The following ATRNL1 variants were observed in gnomAD, a reference collection of about 807,000 sequenced individuals.
ATRNL1 encodes the protein attractin like 1, also known as attractin-like protein 1.
A neutral mutation model predicts 182.7 loss-of-function variants in ATRNL1; 95 were observed. The ratio of observed to expected loss-of-function variants is 0.52; its 90% CI spans 0.44 to 0.62. The LOEUF (loss-of-function observed/expected upper bound fraction) is 0.62. ATRNL1 is among the 20% of genes least tolerant of loss of function. The pLI is 0.00. For missense variants in ATRNL1, 1,471 were observed against 1,679.5 expected, an observed-to-expected ratio of 0.88 and a Z score of 2.17; for synonymous variants, 576 against 568.3, an observed-to-expected ratio of 1.01 and a Z score of -0.19.
At chr10:115,826,056 G>T (rs1950423976) in intron 27 of ATRNL1, among the ~76,000 whole-genome samples, 1 of 152,140 alleles carries the variant, frequency 6.6e-6, no homozygotes, top group South Asian at 2.1e-4. Context: ...TGAAGTTTTT[G>T]CAAGGGTGAA....
intron 19 of ATRNL1, among the ~76,000 whole-genome samples, chr10:115,373,108 G>A (rs1029674116): frequency 6.6e-6 from 1 of 151,928 alleles, no homozygotes; most frequent in African/African-American, 2.4e-5. Flanking sequence ...TTATTCCTAA[G>A]TATTTTATTT....
chr10:115,476,349 GT>G (rs1258645695), intron 24 of ATRNL1, among the ~76,000 whole-genome samples: 2 of 151,228 alleles, frequency 1.3e-5, no homozygotes, highest in African/African-American at 4.8e-5. Context: ...GAAAATTCAT[GT>G]GCTTAAAAAG....
At chr10:115,360,605 A>C (rs1188316175) in intron 19 of ATRNL1, among the ~76,000 whole-genome samples, 1 of 151,364 alleles carries the variant, frequency 6.6e-6, no homozygotes, top group African/African-American at 2.4e-5. Context: ...TTAAAGCAAA[A>C]AAAAAATCCG....
At chr10:115,714,083 A>G (rs1346758234) in intron 26 of ATRNL1, among the ~76,000 whole-genome samples, 2 of 151,766 alleles carry the variant, frequency 1.3e-5, no homozygotes, top group Non-Finnish European at 2.9e-5. Context: ...CCTTGGCCCT[A>G]GTTGAAGCCC....
chr10:115,368,711 A>G (rs1554947046), intron 19 of ATRNL1, among the ~76,000 whole-genome samples: 1 of 146,730 alleles, frequency 6.8e-6, no homozygotes, highest in Non-Finnish European at 1.5e-5. Context: ...TGTATATTCG[A>G]TTCTATTTTT....
chr10:115,278,111 T>A (rs1852186073), intron 13 of ATRNL1, among the ~76,000 whole-genome samples: 1 of 152,236 alleles, frequency 6.6e-6, no homozygotes, highest in African/African-American at 2.4e-5. Context: ...GATACTTTTA[T>A]TAAGACTAGA....
chr10:115,350,564 C>G (rs1269273238), intron 19 of ATRNL1, among the ~76,000 whole-genome samples: 1 of 152,008 alleles, frequency 6.6e-6, no homozygotes, highest in East Asian at 1.9e-4. Flanking sequence ...TTGGCACCTT[C>G]TTTGAAAATG....
chr10:115,254,873 C>A (rs1264294397), intron 10 of ATRNL1, among the ~76,000 whole-genome samples: 1 of 152,138 alleles, frequency 6.6e-6, no homozygotes, highest in South Asian at 2.1e-4. Context: ...GTTTTCCCAG[C>A]ACCATTTATT....
chr10:115,179,771 A>T (rs1053917678), intron 8 of ATRNL1, among the ~76,000 whole-genome samples: 25 of 152,144 alleles, frequency 1.6e-4, no homozygotes, highest in African/African-American at 6.0e-4. Flanking sequence ...TCAGAATAGC[A>T]TGGAATTAGG....
Position 115,394,724 on chromosome 10 carries a change from A to G in ATRNL1, c.3241A>G (p.Lys1081Glu). The G allele has an allele frequency of 6.2e-7, 1 of 1,606,708 alleles. No individual in the cohort carries two copies. The highest frequency in any genetic ancestry group is 8.5e-7 in the Non-Finnish European group (1 of 1,176,578). Residue 1081 changes from lysine (K) to glutamate (E), a missense_variant, in exon 20 of 29, where the codon AAA becomes GAA. Transcript: ENST00000355044. The part of the protein sequence containing the change: ...LHTGKCFCTT[K>E]GIKGDQCQLC... ...CACAGGAAAATGTTTCTGCACAACTAAAGGAATAAAAGGTGACCAATGCCA... is the reference window on the plus strand; with the variant it reads ...CACAGGAAAATGTTTCTGCACAACTGAAGGAATAAAAGGTGACCAATGCCA...
intron 26 of ATRNL1, among the ~76,000 whole-genome samples, chr10:115,602,918 C>G (rs1372279326): frequency 6.6e-6 from 1 of 150,902 alleles, no homozygotes; most frequent in African/African-American, 2.4e-5. Context: ...GCTAGAATGA[C>G]TCACATAACT....
chr10:115,139,648 A>C (rs1339371853), intron 5 of ATRNL1, among the ~76,000 whole-genome samples: 1 of 152,188 alleles, frequency 6.6e-6, no homozygotes, highest in African/African-American at 2.4e-5. Flanking sequence ...ATTCAAGATG[A>C]GATTTGGGTG....
chr10:115,129,656 A>AT, intron 5 of ATRNL1, 121 bp downstream of exon 5: 1 of 683,620 alleles, frequency 1.5e-6, no homozygotes, highest in Non-Finnish European at 2.3e-6. Flanking sequence ...ATTTACTTTT[A>AT]TTTTTAGAAT....
At chr10:115,857,812 C>A (rs1262661122) in intron 28 of ATRNL1, among the ~76,000 whole-genome samples, 4 of 152,196 alleles carry the variant, frequency 2.6e-5, no homozygotes, top group Non-Finnish European at 4.4e-5. Context: ...AACAAACTCA[C>A]ATGACAAATC....
chr10:115,644,669 G>A (rs544225745), intron 26 of ATRNL1, among the ~76,000 whole-genome samples: 1 of 152,234 alleles, frequency 6.6e-6, no homozygotes, highest in East Asian at 1.9e-4. Context: ...GAGAATTTAA[G>A]TAATAAAAGG....
At chr10:115,199,606 A>G (rs1848483219) in intron 8 of ATRNL1, among the ~76,000 whole-genome samples, 1 of 152,076 alleles carries the variant, frequency 6.6e-6, no homozygotes, top group East Asian at 1.9e-4. Flanking sequence ...ACTTGATTAT[A>G]TCTGCTTTTT....
At chr10:115,845,844 A>G (rs566115582) in intron 27 of ATRNL1, among the ~76,000 whole-genome samples, 1 of 152,152 alleles carries the variant, frequency 6.6e-6, no homozygotes, top group East Asian at 1.9e-4. Flanking sequence ...ATATATCACT[A>G]TCGTTTAAAC....
intron 8 of ATRNL1, among the ~76,000 whole-genome samples, chr10:115,174,605 A>G (rs1384963393): frequency 2.6e-5 from 4 of 151,948 alleles, no homozygotes; most frequent in Middle Eastern, 3.2e-3. Context: ...CAGATAGTAA[A>G]TATCTTAGGC....
rs1477145462 is a variant in ATRNL1, at chr10:115,777,450, T to G, written c.3903+50095T>G. Among the ~76,000 whole-genome samples, 29 of 152,276 alleles carry G rather than the reference T, an allele frequency of 1.9e-4. 1 individual carries two copies. Among genetic ancestry groups the G allele is most frequent in the Admixed American group, 1.6e-3 (25 of 15,284 alleles). The stretch of plus-strand genomic sequence containing the variant: ...TTTGACTTTGTTATATCAAGAAATG[T>G]AAAGTCTTGCTAAGCAAATAGTATA... On this transcript the variant is annotated intron_variant, in intron 27 of 28. Coordinates refer to ENST00000355044, the MANE Select transcript of ATRNL1 (RefSeq NM_207303.4).
Sources: allele counts gnomAD v4.1 joint callset (sites outside exome capture counted in the v4.1 genomes callset), GRCh38; gene constraint gnomAD v4.1.1; transcripts MANE v1.5; gene names NCBI Gene and HGNC (gene_info 2026-07-23, HGNC 2026-07-21).